UNC13A: variants seen among roughly 807,000 people sequenced by gnomAD.
UNC13A encodes unc-13 homolog A, also known as protein unc-13 homolog A.
Under a neutral mutation model 219.7 loss-of-function variants are expected in UNC13A, and 61 were observed. The ratio of observed to expected loss-of-function variants is 0.28; its 90% confidence interval spans 0.23 to 0.34. UNC13A has a LOEUF of 0.34. Among genes scored for constraint, UNC13A ranks in the 10% least tolerant of loss-of-function variants. The pLI, the probability that UNC13A is intolerant of heterozygous loss-of-function variation, is 1.00. For synonymous variants in UNC13A, 920 were observed against 884.6 expected (o/e 1.04, Z -0.71); for missense variants, 1,476 against 2,270.3 (o/e 0.65, Z 7.11).
chr19:17,661,376 GAGA>G (rs1490954178), intron 8 of UNC13A, among the ~76,000 whole-genome samples: 1 of 152,100 alleles, frequency 6.6e-6, no homozygotes, highest in African/African-American at 2.4e-5. Context: ...TTGAAGGAGA[GAGA>G]AGGAGGCAGA....
rs986321542 is a variant in UNC13A at position 17,647,374 on chromosome 19, G to A, written c.1935C>T (p.Ile645=). 2 of 1,613,566 alleles carry A rather than the reference G, an allele frequency of 1.2e-6. No individual in the cohort carries two copies. The highest frequency in any genetic ancestry group is 2.7e-5 in the African/African-American group (2 of 74,886). ...TCTTGGTCACCGCGAAGATCTCCTG[G>A]ATGAGCTCGAAGATCTCGGGCTTGT... ...ERNKPEIFEL[I]QEIFAVTKTA... is the part of the protein sequence containing the mutation. The change falls in exon 17 of 44, where the codon ATC becomes ATT. Residue 645 remains isoleucine, a synonymous_variant. Coordinates refer to ENST00000519716, the MANE Select transcript of UNC13A (RefSeq NM_001080421.3).
intron 43 of UNC13A, among the ~76,000 whole-genome samples, chr19:17,609,124 ATT>A (rs71162159): frequency 4.9e-4 from 63 of 128,336 alleles, no homozygotes; most frequent in Admixed American, 6.4e-4. Context: ...CACCCGGCTA[ATT>A]TTTTTTTTTT....
chr19:17,606,380 GAC>G (rs1194315779), intron 43 of UNC13A, 26 bp from the exon 44 acceptor site: 1 of 1,537,272 alleles, frequency 6.5e-7, no homozygotes, highest in South Asian at 1.2e-5. Flanking sequence ...CGGAACGTGA[GAC>G]AGGCCACACC....
At chr19:17,686,617 G>T (rs957356509) in intron 1 of UNC13A, among the ~76,000 whole-genome samples, 2 of 151,936 alleles carry the variant, frequency 1.3e-5, no homozygotes, top group Non-Finnish European at 2.9e-5. Context: ...GCTAGGGGAT[G>T]GAGGAGTTGA....
At chr19:17,608,625 C>A (rs2076566316) in intron 43 of UNC13A, among the ~76,000 whole-genome samples, 1 of 150,500 alleles carries the variant, frequency 6.6e-6, no homozygotes, top group Non-Finnish European at 1.5e-5. Flanking sequence ...TCACGCCATT[C>A]TCCTGCCTCA....
At chr19:17,631,768 G>A (rs2076858003) in intron 28 of UNC13A, among the ~76,000 whole-genome samples, 1 of 151,944 alleles carries the variant, frequency 6.6e-6, no homozygotes, top group African/African-American at 2.4e-5. Context: ...TTTTTGAAAT[G>A]GAGTCTCACT....
chr19:17,606,672 CCT>C (rs140571011), intron 43 of UNC13A, among the ~76,000 whole-genome samples: 2,727 of 152,066 alleles, frequency 0.018, 87 homozygotes, highest in African/African-American at 0.062. Flanking sequence ...ATGCTCCCAC[CCT>C]GAGATACCCG....
At chr19:17,682,832 G>A (rs531845610) in intron 1 of UNC13A, among the ~76,000 whole-genome samples, 16 of 152,298 alleles carry the variant, frequency 1.1e-4, no homozygotes, top group Admixed American at 3.3e-4. Context: ...GGAGGCCAAA[G>A]CAGGTAGATC....
At position 17,636,148 on chromosome 19, in the gene UNC13A, C is replaced by T. The variant is rs745936227; in HGVS notation, c.3091G>A (p.Gly1031Arg). The change falls in exon 26 of 44, where the codon GGG becomes AGG. Residue 1031 changes from glycine to arginine, a missense_variant. By Grantham distance (125) the Gly-to-Arg change is moderately radical (BLOSUM62 -2). Around this residue, in one of 14 missense-constraint regions of UNC13A, gnomAD observed 24 missense variants for 16.0 expected, o/e 1.50. Transcript: ENST00000519716. Reference sequence around the variant, plus strand: ...CCCTGTTCCTCTGGGAGAACTTCCCCCTTCTTGGCCTGAAATGGACAGTGG... The same window carrying T: ...CCCTGTTCCTCTGGGAGAACTTCCCTCTTCTTGGCCTGAAATGGACAGTGG... ...REYQTDPAKKGEVLPEEQGPS... is the reference protein window; with the variant it reads ...REYQTDPAKKREVLPEEQGPS... 1.5e-5 allele frequency: 24 copies of T among 1,596,564 alleles called. No homozygotes were observed. The highest frequency in any genetic ancestry group is 2.0e-5 in the Non-Finnish European group (24 of 1,171,014).
In UNC13A at chr19:17,641,501, T is replaced by C. The variant is rs1284584285; in HGVS notation, c.2528A>G (p.Asp843Gly). 1 of 1,614,112 alleles carries C rather than the reference T, an allele frequency of 6.2e-7. No individual in the cohort carries two copies. Among genetic ancestry groups the C allele is most frequent in the African/African-American group, 1.3e-5 (1 of 75,040 alleles). ...CTTCCAGGCATCGTCACCCTTGGCA[T>C]CTGGGATCTTCACGACCCCATTGTT... ...VQNNGVVKIP[D>G]AKGDDAWKVY... Residue 843 changes from aspartate to glycine, a missense_variant, in exon 21 of 44, where the codon GAT becomes GGT. Physicochemically the swap from Asp to Gly is moderately conservative, Grantham distance 94. This residue lies in a region of UNC13A where 140 missense variants were observed against 270.9 expected (regional missense o/e 0.52). Transcript: ENST00000519716.
At position 17,645,006 on chromosome 19, in the gene UNC13A, A is replaced by AT. The variant is rs775953880; in HGVS notation, c.2356+667dup. On this transcript the variant is annotated intron_variant, in intron 19 of 43. Transcript: ENST00000519716. The stretch of plus-strand genomic sequence containing the variant: ...CCACTGCCCGGCGCCCCCAGCCTGG[A>AT]TTCTTTTTTTTTTTTTTTTGAGTGG... Among the ~76,000 whole-genome samples, 61 of 99,312 alleles carry AT rather than the reference A, an allele frequency of 6.1e-4. 1 individual carries two copies. In the East Asian group the frequency reaches 0.016, roughly 26 times the overall value. The allele number at this position is 99,312 out of a possible 152,430, so 65.2% of individuals were successfully genotyped here.
chr19:17,609,810 C>T (rs2076582061), intron 43 of UNC13A, 130 bp downstream of exon 43: 16 of 1,317,964 alleles, frequency 1.2e-5, no homozygotes, highest in Middle Eastern at 2.7e-4. Flanking sequence ...TCCAGCACCC[C>T]CACCTAGAAT....
intron 20 of UNC13A, among the ~76,000 whole-genome samples, chr19:17,642,003 C>T (rs1049874223): frequency 6.8e-6 from 1 of 147,492 alleles, no homozygotes; most frequent in Non-Finnish European, 1.5e-5. Context: ...CATCCACCCA[C>T]CCATTCATCC....
chr19:17,611,932 C>G, intron 41 of UNC13A, 77 bp from the exon 42 acceptor site: 4 of 1,313,264 alleles, frequency 3.0e-6, no homozygotes, highest in Non-Finnish European at 4.4e-6. Flanking sequence ...GACGGCCTCC[C>G]ACCCACCTGT....
intron 8 of UNC13A, among the ~76,000 whole-genome samples, chr19:17,660,159 C>T (rs554038046): frequency 4.6e-5 from 7 of 152,282 alleles, no homozygotes; most frequent in Admixed American, 2.6e-4. Context: ...GCCTCAGCTT[C>T]CCACAGTGCT....
At position 17,627,464 on chromosome 19, in the gene UNC13A, A is replaced by C; in HGVS notation, c.3920+45T>G. 6.9e-7 allele frequency: 1 copy of C among 1,453,758 alleles called. No homozygotes were observed. The highest frequency in any genetic ancestry group is 9.5e-7 in the Non-Finnish European group (1 of 1,057,934). 90.1% of individuals were successfully genotyped at this position (1,453,758 alleles called of 1,614,324 possible). On this transcript the variant is annotated intron_variant, in intron 33 of 43. Coordinates refer to ENST00000519716, the MANE Select transcript of UNC13A (RefSeq NM_001080421.3). This position sits in a 1 kb window ranked among gnomAD's most constrained non-coding sequence, Gnocchi z 4.7. The stretch of plus-strand genomic sequence containing the variant: ...AGATGCCCCAGGCTTAGAGGGCTGA[A>C]GGCTGTTCCCTCCCCACTGCCCCCA...
chr19:17,640,472 G>A, intron 22 of UNC13A, 39 bp downstream of exon 22: 1 of 1,531,196 alleles, frequency 6.5e-7, no homozygotes, highest in Non-Finnish European at 8.8e-7. Flanking sequence ...ATAAAGTTGG[G>A]CTCTCCCTAA....
intron 31 of UNC13A, chr19:17,628,282 G>C: frequency 3.1e-6 from 1 of 321,010 alleles, no homozygotes. Context: ...GGCTTCATTT[G>C]CAACAGCCAG....
chr19:17,639,357 AGGAATGTCACTTGTCCTG>A, intron 24 of UNC13A, 61 bp downstream of exon 24: 1 of 1,570,284 alleles, frequency 6.4e-7, no homozygotes, highest in Non-Finnish European at 8.7e-7. Flanking sequence ...ACTCTCCAGG[AGGAATGTCACTTGTCCTG>A]GGAGCTGGGG....
Sources: allele counts gnomAD v4.1 joint callset (sites outside exome capture counted in the v4.1 genomes callset), GRCh38; gene constraint gnomAD v4.1.1; regional missense constraint gnomAD v4.1.1; non-coding constraint Gnocchi (gnomAD v3.1); transcripts MANE v1.5; gene names NCBI Gene and HGNC (gene_info 2026-07-23, HGNC 2026-07-21).